The following CNBD1 variants were observed in gnomAD, a reference collection of about 807,000 sequenced individuals.
CNBD1 encodes the protein cyclic nucleotide-binding domain-containing protein 1.
In CNBD1, 71 loss-of-function variants were observed where a neutral mutation model predicts 54.4. The ratio of observed to expected loss-of-function variants is 1.30; its 90% CI spans 1.08 to 1.59. CNBD1 has a LOEUF of 1.59. CNBD1 is among the 40% of genes most tolerant of loss of function. The probability of loss-of-function intolerance (pLI) is 0.00; values close to 1 mark genes in which losing one functional copy is unlikely to be tolerated. For synonymous variants in CNBD1, 182 were observed against 170.7 expected (o/e 1.07, Z -0.51); for missense variants, 659 against 518.0 (o/e 1.27, Z -2.64).
chr8:87,395,031 C>T (rs1264838754), intron 2 of CNBD1, among the ~76,000 whole-genome samples: 2 of 151,830 alleles, frequency 1.3e-5, no homozygotes, highest in Non-Finnish European at 2.9e-5. Flanking sequence ...CATAGATTGA[C>T]AGCTCAAAAG....
At chr8:87,328,101 G>A (rs981842036) in intron 8 of CNBD1, among the ~76,000 whole-genome samples, 2 of 151,992 alleles carry the variant, frequency 1.3e-5, no homozygotes, top group African/African-American at 4.8e-5. Flanking sequence ...AGACCCACAT[G>A]CATTAGGTGT....
chr8:87,141,862 C>T (rs1159182815), intron 4 of CNBD1, among the ~76,000 whole-genome samples: 1 of 151,898 alleles, frequency 6.6e-6, no homozygotes, highest in Non-Finnish European at 1.5e-5. Flanking sequence ...GCACTCAGGG[C>T]CTATACTAAA....
rs965227515 is a variant in CNBD1, at chr8:87,382,782, C to A, written c.*155C>A. On this transcript the variant is annotated 3_prime_UTR_variant, in exon 11 of 11. Coordinates refer to ENST00000518476, the MANE Select transcript of CNBD1 (RefSeq NM_173538.3). ...CCAGGAAAGTCCCACTTTCGAATTG[C>A]CTTTCAAACACAGTTTTTATTAGCA... is the stretch of plus-strand genomic sequence containing the variant. 4.3e-6 allele frequency: 2 copies of A among 462,272 alleles called. No homozygotes were observed. The highest frequency in any genetic ancestry group is 7.7e-6 in the Non-Finnish European group (2 of 260,704). 28.6% of individuals were successfully genotyped at this position (462,272 alleles called of 1,614,324 possible).
At chr8:87,333,385 A>T (rs201002722) in intron 8 of CNBD1, among the ~76,000 whole-genome samples, 2 of 151,952 alleles carry the variant, frequency 1.3e-5, no homozygotes, top group Non-Finnish European at 2.9e-5. Flanking sequence ...TTGCCTGATT[A>T]CCCTGGCCAG....
At chr8:86,969,164 C>G (rs1247828256) in intron 4 of CNBD1, among the ~76,000 whole-genome samples, 1 of 151,796 alleles carries the variant, frequency 6.6e-6, no homozygotes, top group South Asian at 2.1e-4. Flanking sequence ...TTTTTTTTCT[C>G]TGCATTTTCT....
chr8:87,093,957 A>G (rs2130683771), intron 4 of CNBD1, among the ~76,000 whole-genome samples: 1 of 152,278 alleles, frequency 6.6e-6, no homozygotes, highest in East Asian at 1.9e-4. Flanking sequence ...AGAGAACACA[A>G]TAGGCATGCA....
intron 8 of CNBD1, among the ~76,000 whole-genome samples, chr8:87,314,622 A>G (rs904989260): frequency 2.0e-5 from 3 of 151,994 alleles, no homozygotes; most frequent in African/African-American, 7.2e-5. Flanking sequence ...ATTTTTTCTC[A>G]TGATATTATC....
chr8:86,972,172 G>A (rs1006038359), intron 4 of CNBD1, among the ~76,000 whole-genome samples: 7 of 152,050 alleles, frequency 4.6e-5, no homozygotes, highest in Non-Finnish European at 7.4e-5. Flanking sequence ...GGCTGATCTT[G>A]AACTCCTGAC....
At chr8:87,304,623 A>T (rs1027124864) in intron 8 of CNBD1, among the ~76,000 whole-genome samples, 1 of 152,162 alleles carries the variant, frequency 6.6e-6, no homozygotes, top group Admixed American at 6.6e-5. Flanking sequence ...GTACCCTAGA[A>T]CTTAAAGTAT....
intron 4 of CNBD1, among the ~76,000 whole-genome samples, chr8:87,056,059 T>C (rs2078066727): frequency 6.6e-6 from 1 of 152,222 alleles, no homozygotes; most frequent in Middle Eastern, 3.4e-3. Context: ...CAACAATCAA[T>C]GTAGTAAGTC....
chr8:87,358,511 G>A (rs1810464418), intron 10 of CNBD1, among the ~76,000 whole-genome samples: 1 of 151,820 alleles, frequency 6.6e-6, no homozygotes, highest in African/African-American at 2.4e-5. Flanking sequence ...CAAATACACT[G>A]TGGACTCTTT....
intron 6 of CNBD1, among the ~76,000 whole-genome samples, chr8:87,277,421 C>T (rs910260174): frequency 6.6e-6 from 1 of 151,756 alleles, no homozygotes; most frequent in Non-Finnish European, 1.5e-5. Context: ...CATCCAAAGA[C>T]ATCTCCAGAG....
intron 1 of CNBD1, among the ~76,000 whole-genome samples, chr8:86,881,908 T>C (rs1808611173): frequency 1.3e-5 from 2 of 151,788 alleles, no homozygotes; most frequent in South Asian, 4.2e-4. Context: ...CAAAAATAGG[T>C]AATGGGAAAA....
intron 2 of CNBD1, among the ~76,000 whole-genome samples, chr8:86,888,294 T>A (rs1808710180): frequency 6.6e-6 from 1 of 152,166 alleles, no homozygotes; most frequent in Non-Finnish European, 1.5e-5. Flanking sequence ...TATTTTCTCA[T>A]TTCTTCTGTC....
chr8:86,991,381 ACACT>A (rs1808743342), intron 4 of CNBD1, among the ~76,000 whole-genome samples: 2 of 151,842 alleles, frequency 1.3e-5, no homozygotes, highest in Admixed American at 6.6e-5. Flanking sequence ...TCTCTGACAC[ACACT>A]CTCTCTGTCT....
chr8:86,984,352 GA>G (rs1563847670), intron 4 of CNBD1, among the ~76,000 whole-genome samples: 1 of 152,184 alleles, frequency 6.6e-6, no homozygotes, highest in Non-Finnish European at 1.5e-5. Context: ...TCTTAGGGCA[GA>G]GGAAGGGAAA....
intron 10 of CNBD1, among the ~76,000 whole-genome samples, chr8:87,369,095 T>C (rs1216914249): frequency 6.6e-6 from 1 of 152,082 alleles, no homozygotes; most frequent in East Asian, 1.9e-4. Context: ...CCTTATGTAG[T>C]TATTTTATTC....
chr8:86,886,255 C>G (rs1445793062), intron 1 of CNBD1, among the ~76,000 whole-genome samples: 2 of 152,078 alleles, frequency 1.3e-5, no homozygotes, highest in Non-Finnish European at 2.9e-5. Flanking sequence ...AGAAATATTA[C>G]TAGACTAAAA....
At chr8:87,278,156 A>T (rs1206885881) in intron 6 of CNBD1, among the ~76,000 whole-genome samples, 3 of 151,542 alleles carry the variant, frequency 2.0e-5, no homozygotes, top group Non-Finnish European at 3.0e-5. Context: ...AAGAAAAAAG[A>T]TGAATGATAG....
Sources: allele counts gnomAD v4.1 joint callset (sites outside exome capture counted in the v4.1 genomes callset), GRCh38; gene constraint gnomAD v4.1.1; transcripts MANE v1.5; gene names NCBI Gene and HGNC (gene_info 2026-07-23, HGNC 2026-07-21).